Variants in FRMD4A observed in about 807,000 individuals in gnomAD.
FRMD4A encodes the protein FERM domain containing 4A.
Under a neutral mutation model 129.1 loss-of-function variants are expected in FRMD4A, and 29 were observed. The observed-to-expected ratio is 0.22, with a 90% confidence interval of 0.17 to 0.31. The LOEUF (loss-of-function observed/expected upper bound fraction) is 0.31. Among genes scored for constraint, FRMD4A ranks in the 10% least tolerant of loss-of-function variants. The probability of loss-of-function intolerance (pLI) is 1.00; values close to 1 mark genes in which losing one functional copy is unlikely to be tolerated. For synonymous variants in FRMD4A, 634 were observed against 571.6 expected (o/e 1.11, Z -1.56); for missense variants, 1,272 against 1,375.8 (o/e 0.92, Z 1.19).
chr10:14,121,731 T>A (rs1838532629), intron 2 of FRMD4A, among the ~76,000 whole-genome samples: 1 of 152,216 alleles, frequency 6.6e-6, no homozygotes, highest in Admixed American at 6.5e-5. Flanking sequence ...AGCATGTCGA[T>A]GCTAGCATTC....
At chr10:13,660,611 A>G in intron 19 of FRMD4A, 58 bp from the exon 20 acceptor site, 1 of 1,092,160 alleles carries the variant, frequency 9.2e-7, no homozygotes, top group Non-Finnish European at 1.4e-6. Flanking sequence ...ACAGGCTGAG[A>G]CAGAACCCCT....
intron 2 of FRMD4A, among the ~76,000 whole-genome samples, chr10:13,892,173 G>C (rs1449543785): frequency 6.6e-6 from 1 of 152,030 alleles, no homozygotes; most frequent in Non-Finnish European, 1.5e-5. Flanking sequence ...CCAGCACGGA[G>C]GTCCCCAAGC....
At chr10:14,127,925 T>G (rs933708089) in intron 2 of FRMD4A, among the ~76,000 whole-genome samples, 5 of 4,614 alleles carry the variant, frequency 1.1e-3, no homozygotes, top group African/African-American at 9.0e-3. Context: ...TTTCTTTCTT[T>G]CTTTCTTTCT....
At chr10:13,769,730 A>G (rs1370295103) in intron 6 of FRMD4A, among the ~76,000 whole-genome samples, 1 of 152,210 alleles carries the variant, frequency 6.6e-6, no homozygotes, top group African/African-American at 2.4e-5. Context: ...ACATCACACA[A>G]TCCTGGAAGG....
intron 3 of FRMD4A, among the ~76,000 whole-genome samples, chr10:13,853,197 T>A (rs2094163104): frequency 1.3e-5 from 2 of 151,952 alleles, no homozygotes; most frequent in African/African-American, 4.8e-5. Context: ...GTGGCAGAAT[T>A]GAGGGGATGG....
intron 2 of FRMD4A, among the ~76,000 whole-genome samples, chr10:14,151,885 C>T (rs1411524589): frequency 6.6e-6 from 1 of 152,064 alleles, no homozygotes; most frequent in Non-Finnish European, 1.5e-5. Flanking sequence ...CCACTTCAGC[C>T]CAAAGGCAGA....
chr10:13,819,971 G>C (rs185400457), intron 3 of FRMD4A, among the ~76,000 whole-genome samples: 1 of 152,286 alleles, frequency 6.6e-6, no homozygotes, highest in Non-Finnish European at 1.5e-5. Context: ...GGATCCACCT[G>C]CCTTGGCCTC....
intron 2 of FRMD4A, among the ~76,000 whole-genome samples, chr10:13,952,425 C>T (rs1054780905): frequency 6.6e-6 from 1 of 151,996 alleles, no homozygotes; most frequent in African/African-American, 2.4e-5. Context: ...CACTTGAGCC[C>T]AGGAGTTGGA....
intron 2 of FRMD4A, among the ~76,000 whole-genome samples, chr10:14,102,181 C>T (rs1837340803): frequency 6.6e-6 from 1 of 152,138 alleles, no homozygotes; most frequent in Admixed American, 6.6e-5. Flanking sequence ...GTTTCCTCAC[C>T]AGCTGTAAGT....
chr10:13,970,181 T>C (rs1259213209), intron 2 of FRMD4A, among the ~76,000 whole-genome samples: 1 of 152,336 alleles, frequency 6.6e-6, no homozygotes, highest in African/African-American at 2.4e-5. Flanking sequence ...GTTTCTTTTA[T>C]ATATGATCTA....
intron 2 of FRMD4A, among the ~76,000 whole-genome samples, chr10:14,222,016 T>C: frequency 6.6e-6 from 1 of 152,180 alleles, no homozygotes; most frequent in East Asian, 1.9e-4. Context: ...GTCTCTGTCT[T>C]TTTAAAGGGA....
At chr10:14,277,622 C>A (rs1845385984) in intron 2 of FRMD4A, among the ~76,000 whole-genome samples, 2 of 152,230 alleles carry the variant, frequency 1.3e-5, no homozygotes, top group South Asian at 4.1e-4. Flanking sequence ...CCCGAACAAA[C>A]CAAGACAGAG....
chr10:14,145,928 A>G (rs1840052569), intron 2 of FRMD4A, among the ~76,000 whole-genome samples: 2 of 152,232 alleles, frequency 1.3e-5, no homozygotes, highest in Non-Finnish European at 1.5e-5. Context: ...GATAATTAGG[A>G]CCAGCGGATC....
chr10:14,287,292 A>G (rs1845712131), intron 2 of FRMD4A, among the ~76,000 whole-genome samples: 1 of 152,210 alleles, frequency 6.6e-6, no homozygotes, highest in Non-Finnish European at 1.5e-5. Flanking sequence ...TGCTGAGATT[A>G]CAGCTTTCTT....
At chr10:14,210,185 GTA>G (rs1310417024) in intron 2 of FRMD4A, among the ~76,000 whole-genome samples, 1 of 152,126 alleles carries the variant, frequency 6.6e-6, no homozygotes. Flanking sequence ...CAAAGTGATG[GTA>G]TTAGGAGATA....
intron 2 of FRMD4A, among the ~76,000 whole-genome samples, chr10:13,901,177 T>C (rs2094815278): frequency 6.6e-6 from 1 of 152,244 alleles, no homozygotes; most frequent in South Asian, 2.1e-4. Flanking sequence ...CTAAGGTGTG[T>C]TCCTCAACCC....
At chr10:14,092,103 C>T (rs1340508949) in intron 2 of FRMD4A, among the ~76,000 whole-genome samples, 1 of 152,204 alleles carries the variant, frequency 6.6e-6, no homozygotes, top group South Asian at 2.1e-4. Flanking sequence ...ACTCAAATCT[C>T]TCTTACAGCA....
intron 7 of FRMD4A, among the ~76,000 whole-genome samples, chr10:13,761,997 G>A (rs112042279): frequency 2.4e-3 from 367 of 152,240 alleles, no homozygotes; most frequent in African/African-American, 8.4e-3. Context: ...TAGAACTGTC[G>A]ATTTCTAGGG....
intron 2 of FRMD4A, among the ~76,000 whole-genome samples, chr10:13,960,458 CATGTACT>C (rs1387982799): frequency 6.6e-6 from 1 of 152,170 alleles, no homozygotes; most frequent in East Asian, 1.9e-4. Context: ...ATTGATTGGA[CATGTACT>C]ATTTCTCAGG....
Sources: allele counts gnomAD v4.1 joint callset (sites outside exome capture counted in the v4.1 genomes callset), GRCh38; gene constraint gnomAD v4.1.1; transcripts MANE v1.5; gene names NCBI Gene and HGNC (gene_info 2026-07-23, HGNC 2026-07-21).